ANXA8: variants seen among roughly 807,000 people sequenced by gnomAD.
ANXA8 encodes annexin A8, also known as VAC-beta.
ANXA8 carries 9 observed loss-of-function variants against 26.8 expected under a neutral mutation model. The observed-to-expected ratio is 0.34, with a 90% CI of 0.20 to 0.59. The LOEUF (loss-of-function observed/expected upper bound fraction) is 0.59. Ranked by LOEUF, ANXA8 falls within the 20% of genes least tolerant of loss-of-function variation. The pLI is 0.84. For missense variants in ANXA8, 83 were observed against 238.5 expected (o/e 0.35, Z 4.29); for synonymous variants, 39 against 94.8 (o/e 0.41, Z 3.42).
At chr10:47,749,676 G>GC in the ANXA8 span, among the ~76,000 whole-genome samples, 2 of 151,034 alleles carry the variant, frequency 1.3e-5, no homozygotes, top group Non-Finnish European at 2.9e-5. Flanking sequence ...AATGGTAGGG[G>GC]GGGAAACGGA....
At chr10:47,944,484 A>G in the ANXA8 span, among the ~76,000 whole-genome samples, 21 of 150,200 alleles carry the variant, frequency 1.4e-4, 1 homozygote, top group African/African-American at 5.2e-4. Context: ...ATCTCCTGAT[A>G]TGGTTTGGCT....
chr10:47,690,758 C>T, the ANXA8 span: 2 of 1,601,378 alleles, frequency 1.2e-6, no homozygotes, highest in South Asian at 1.1e-5. Flanking sequence ...GAACTGCCAC[C>T]AAATGAGATA....
the ANXA8 span, among the ~76,000 whole-genome samples, chr10:47,660,642 C>T: frequency 6.6e-6 from 1 of 151,828 alleles, no homozygotes; most frequent in African/African-American, 2.4e-5. Flanking sequence ...CTCCAGTGAT[C>T]TGCCTGCCTC....
At chr10:47,942,479 T>G in the ANXA8 span, among the ~76,000 whole-genome samples, 1 of 140,124 alleles carries the variant, frequency 7.1e-6, no homozygotes, top group Non-Finnish European at 1.5e-5. Flanking sequence ...TGGTGACACT[T>G]AGTGGCAGTC....
chr10:47,658,108 C>T, the ANXA8 span, among the ~76,000 whole-genome samples: 9 of 152,022 alleles, frequency 5.9e-5, 1 homozygote, highest in East Asian at 1.9e-4. Context: ...CGGTGGCTCA[C>T]GCCTGTAATC....
the ANXA8 span, among the ~76,000 whole-genome samples, chr10:47,733,148 T>TTC: frequency 2.2e-5 from 1 of 44,860 alleles, no homozygotes; most frequent in Non-Finnish European, 4.5e-5. Context: ...CCCTAATCTT[T>TTC]CTTTCTTTCT....
chr10:47,743,432 T>G, the ANXA8 span, among the ~76,000 whole-genome samples: 2 of 84,200 alleles, frequency 2.4e-5, no homozygotes, highest in African/African-American at 4.8e-5. Context: ...GAGAGAGAAG[T>G]TGCATGGTTA....
the ANXA8 span, among the ~76,000 whole-genome samples, chr10:47,951,538 C>A: frequency 6.6e-6 from 1 of 150,558 alleles, no homozygotes; most frequent in African/African-American, 2.5e-5. Flanking sequence ...CAGCTGGGCA[C>A]CATGCTCACG....
chr10:47,516,564 CAGG>C, the ANXA8 span, among the ~76,000 whole-genome samples: 3 of 137,958 alleles, frequency 2.2e-5, no homozygotes, highest in African/African-American at 8.3e-5. Flanking sequence ...ATCTAGGACT[CAGG>C]AGATCCCACA....
chr10:47,676,016 G>C, the ANXA8 span, among the ~76,000 whole-genome samples: 3 of 151,484 alleles, frequency 2.0e-5, no homozygotes, highest in Non-Finnish European at 4.4e-5. Flanking sequence ...AAAGGGAAGG[G>C]AGGGGAGGGA....
At chr10:47,981,007 G>T in the ANXA8 span, among the ~76,000 whole-genome samples, 3 of 151,234 alleles carry the variant, frequency 2.0e-5, no homozygotes, top group South Asian at 6.3e-4. Context: ...GACATTCTAA[G>T]AGAACACAGC....
the ANXA8 span, among the ~76,000 whole-genome samples, chr10:47,953,422 A>G: frequency 2.0e-5 from 3 of 150,812 alleles, no homozygotes; most frequent in Non-Finnish European, 2.9e-5. Context: ...ACAATTCTGA[A>G]TTTTTGTAAG....
the ANXA8 span, among the ~76,000 whole-genome samples, chr10:47,508,531 CG>C: frequency 8.7e-6 from 1 of 115,344 alleles, no homozygotes; most frequent in Non-Finnish European, 1.7e-5. Context: ...AGCAGTTTCT[CG>C]TCCTAAACTC....
the ANXA8 span, among the ~76,000 whole-genome samples, chr10:47,592,381 C>T: frequency 5.7e-3 from 830 of 145,640 alleles, no homozygotes; most frequent in African/African-American, 0.02. Flanking sequence ...TGGCTAAGTT[C>T]CTGCTGTCCG....
the ANXA8 span, among the ~76,000 whole-genome samples, chr10:47,975,189 A>C: frequency 9.4e-5 from 14 of 149,404 alleles, no homozygotes; most frequent in African/African-American, 3.2e-4. Context: ...TTTTGAATTC[A>C]TGTCAGCACC....
chr10:47,894,362 G>GC, the ANXA8 span, among the ~76,000 whole-genome samples: 1 of 136,116 alleles, frequency 7.3e-6, no homozygotes, highest in African/African-American at 2.9e-5. Flanking sequence ...CACACACACA[G>GC]AACACACATC....
chr10:47,778,920 TATGATATG>T, the ANXA8 span, among the ~76,000 whole-genome samples: 1 of 151,442 alleles, frequency 6.6e-6, no homozygotes, highest in Non-Finnish European at 1.5e-5. Flanking sequence ...TATGATATGA[TATGATATG>T]ATATGATATG....
At chr10:47,769,763 A>T in the ANXA8 span, among the ~76,000 whole-genome samples, 1 of 152,310 alleles carries the variant, frequency 6.6e-6, no homozygotes, top group East Asian at 1.9e-4. Context: ...ATTGGTCTCA[A>T]GTTCTCTCTT....
the ANXA8 span, among the ~76,000 whole-genome samples, chr10:47,595,638 A>T: frequency 6.7e-6 from 1 of 148,762 alleles, no homozygotes; most frequent in African/African-American, 2.6e-5. Flanking sequence ...ACAGATCTTC[A>T]GCCAAAAACA....
Sources: allele counts gnomAD v4.1 joint callset (sites outside exome capture counted in the v4.1 genomes callset), GRCh38; gene constraint gnomAD v4.1.1; transcripts MANE v1.5; gene names NCBI Gene and HGNC (gene_info 2026-07-23, HGNC 2026-07-21).